Variants in NLRP11 observed in about 807,000 individuals in gnomAD.
The protein encoded by NLRP11 is NLR family pyrin domain containing 11.
A neutral mutation model predicts 79.3 loss-of-function variants in NLRP11; 53 were observed. That is an observed-to-expected ratio of 0.67 (90% confidence interval 0.54 to 0.84). NLRP11 has a LOEUF of 0.84. NLRP11 is among the 40% of genes least tolerant of loss of function. NLRP11 has a pLI of 0.00. For missense variants in NLRP11, 1,264 were observed against 1,255.0 expected (o/e 1.01, Z -0.11); for synonymous variants, 518 against 462.6 (o/e 1.12, Z -1.54).
intron 1 of NLRP11, among the ~76,000 whole-genome samples, chr19:55,820,033 C>T (rs998574171): frequency 1.3e-5 from 2 of 152,266 alleles, no homozygotes; most frequent in Non-Finnish European, 2.9e-5. Flanking sequence ...TGACATGCAC[C>T]TATGGTACCT....
At chr19:55,821,844 T>TC (rs1981772572) in intron 1 of NLRP11, among the ~76,000 whole-genome samples, 2 of 152,246 alleles carry the variant, frequency 1.3e-5, no homozygotes, top group African/African-American at 4.8e-5. Context: ...AATGGAAGTC[T>TC]CCATCAGGGC....
chr19:55,785,761 C>A, exon 10 of NLRP11: 1 of 1,614,192 alleles, frequency 6.2e-7, no homozygotes, highest in South Asian at 1.1e-5. Flanking sequence ...ACCAATTTCT[C>A]TGCCTTCCTT....
chr19:55,832,375 C>T (rs917249061), upstream of NLRP11, among the ~76,000 whole-genome samples: 1 of 152,216 alleles, frequency 6.6e-6, no homozygotes, highest in African/African-American at 2.4e-5. Context: ...TACATAACCA[C>T]CTGGCAAGGA....
In NLRP11 at chr19:55,809,594, G is replaced by A. The variant is rs753756256; in HGVS notation, c.1016C>T (p.Ala339Val). The A allele has an allele frequency of 1.1e-5, 18 of 1,614,220 alleles. 1 individual carries two copies. The South Asian group carries it at 1.9e-4, about 17-fold the overall frequency. Residue 339 changes from alanine (A) to valine (V), a missense_variant, in exon 3 of 10, where the codon GCC becomes GTC. By Grantham distance (64) the Ala-to-Val change is moderately conservative (BLOSUM62 0). Transcript: ENST00000589093. The surrounding 1 kb of genome is among the most constrained non-coding windows in gnomAD (Gnocchi z 4.5). ...AGTACACGTGATCCAGCATAAGATG[G>A]CGACTCGGCACAGACCCACGAGTAT...
upstream of NLRP11, among the ~76,000 whole-genome samples, chr19:55,835,347 G>A (rs1027686189): frequency 1.4e-4 from 21 of 152,242 alleles, no homozygotes; most frequent in Admixed American, 3.9e-4. Flanking sequence ...TCGACCTTGC[G>A]TCTAAAAAAC....
chr19:55,835,609 A>G (rs540854490), upstream of NLRP11, among the ~76,000 whole-genome samples: 12 of 150,052 alleles, frequency 8.0e-5, no homozygotes, highest in South Asian at 2.1e-3. Context: ...TGGGAGGCCG[A>G]GGCGGGCAGA....
chr19:55,835,418 A>G (rs1453251111), upstream of NLRP11, among the ~76,000 whole-genome samples: 1 of 152,268 alleles, frequency 6.6e-6, no homozygotes, highest in Admixed American at 6.5e-5. Flanking sequence ...TTCTTCTTGC[A>G]GGCCAGGCAC....
At chr19:55,792,180 G>C in intron 7 of NLRP11, 121 bp downstream of exon 7, 1 of 800,164 alleles carries the variant, frequency 1.2e-6, no homozygotes. Flanking sequence ...GGGAGCCCAT[G>C]CTCCCGTACC....
chr19:55,785,541 C>T (rs1002190665), exon 10 of NLRP11: 43 of 1,023,210 alleles, frequency 4.2e-5, no homozygotes, highest in Non-Finnish European at 5.7e-5. Context: ...ACACACACAT[C>T]AAATAGGAAA....
At chr19:55,785,916 G>A in intron 9 of NLRP11, 45 bp from the exon 10 acceptor site, 1 of 1,579,702 alleles carries the variant, frequency 6.3e-7, no homozygotes, top group Non-Finnish European at 8.6e-7. Context: ...TACATGTGAG[G>A]TCTCAGCTTT....
chr19:55,819,909 A>G (rs946166846), intron 1 of NLRP11, among the ~76,000 whole-genome samples: 2 of 152,166 alleles, frequency 1.3e-5, no homozygotes, highest in African/African-American at 4.8e-5. Context: ...CTCATATACC[A>G]GGTACTATGT....
At chr19:55,788,826 A>G in exon 9 of NLRP11, 3 of 1,613,156 alleles carry the variant, frequency 1.9e-6, no homozygotes, top group Non-Finnish European at 2.5e-6. Flanking sequence ...TTAAGTACAC[A>G]ATCTGGGCTG....
chr19:55,810,391 A>G (rs927620955), intron 2 of NLRP11, 53 bp from the exon 3 acceptor site: 1 of 1,504,446 alleles, frequency 6.6e-7, no homozygotes, highest in Non-Finnish European at 8.9e-7. Context: ...AAAGTTCAAG[A>G]TGTAAAAACA....
At chr19:55,799,008 T>A (rs16986605) in intron 5 of NLRP11, among the ~76,000 whole-genome samples, 10,582 of 152,254 alleles carry the variant, frequency 0.07, 425 homozygotes, top group African/African-American at 0.1. Context: ...TTGAAATGCC[T>A]ATTTAAATAT....
intron 2 of NLRP11, among the ~76,000 whole-genome samples, chr19:55,810,637 C>G (rs927703618): frequency 6.6e-6 from 1 of 152,156 alleles, no homozygotes; most frequent in Non-Finnish European, 1.5e-5. Context: ...GCTAGGATTA[C>G]AGGCGTGCAC....
intron 6 of NLRP11, among the ~76,000 whole-genome samples, chr19:55,795,265 C>T (rs892431993): frequency 1.3e-5 from 2 of 152,046 alleles, no homozygotes; most frequent in Admixed American, 6.5e-5. Flanking sequence ...AGGGAGAGCC[C>T]GTCTTCCACC....
At chr19:55,819,788 A>G (rs1396196139) in intron 1 of NLRP11, among the ~76,000 whole-genome samples, 1 of 152,212 alleles carries the variant, frequency 6.6e-6, no homozygotes, top group Non-Finnish European at 1.5e-5. Flanking sequence ...AGAAACCGCC[A>G]GTGAAGCTGA....
intron 1 of NLRP11, 83 bp from the exon 2 acceptor site, chr19:55,818,319 G>A: frequency 1.5e-6 from 1 of 659,346 alleles, no homozygotes; most frequent in Admixed American, 2.9e-5. Context: ...CAATTCCTGT[G>A]GTGTGATAGA....
chr19:55,831,096 C>CCCACCCCCCCAATCTCCCCCACCCCCCTG (rs1197602205), intron 1 of NLRP11, among the ~76,000 whole-genome samples: 1 of 3,806 alleles, frequency 2.6e-4, no homozygotes, highest in East Asian at 6.6e-3. Context: ...AGACCCACCG[C>CCCACCCCCCCAATCTCCCCCACCCCCCTG]CCCACCCCCC....
Sources: gnomAD v4.1 joint callset for allele counts (sites outside exome capture counted in the v4.1 genomes callset) on GRCh38, gnomAD v4.1.1 for gene constraint, Gnocchi (gnomAD v3.1) non-coding constraint, MANE v1.5 for transcripts, NCBI Gene and HGNC (gene_info 2026-07-23, HGNC 2026-07-21) for gene names.